Variants in FBP1 observed in about 807,000 individuals in gnomAD.
FBP1 encodes the protein fructose-1,6-bisphosphatase 1.
FBP1 carries 22 observed loss-of-function variants against 29.9 expected under a neutral mutation model. That is an observed-to-expected ratio of 0.74 (90% CI 0.53 to 1.05). The LOEUF (loss-of-function observed/expected upper bound fraction) is 1.05, where lower values mean the gene tolerates loss of function less well. Ranked by LOEUF, FBP1 falls within the 50% of genes least tolerant of loss-of-function variation. The pLI is 0.00. For missense variants in FBP1, 345 were observed against 448.2 expected (o/e 0.77, Z 2.08); for synonymous variants, 175 against 178.6 (o/e 0.98, Z 0.16).
chr9:94,608,016 A>T (rs891788124), intron 4 of FBP1, among the ~76,000 whole-genome samples: 2 of 152,236 alleles, frequency 1.3e-5, no homozygotes, highest in Non-Finnish European at 2.9e-5. Context: ...AAAAATAAAT[A>T]AATAAATGTC....
intron 1 of FBP1, among the ~76,000 whole-genome samples, chr9:94,630,132 G>A (rs1468749015): frequency 6.6e-6 from 1 of 152,178 alleles, no homozygotes; most frequent in Non-Finnish European, 1.5e-5. Flanking sequence ...CTTGATCCTG[G>A]AAAAAAGAAT....
intron 1 of FBP1, among the ~76,000 whole-genome samples, chr9:94,634,705 G>A (rs1563989581): frequency 6.6e-6 from 1 of 152,190 alleles, no homozygotes; most frequent in Non-Finnish European, 1.5e-5. Flanking sequence ...GTCTCCCAGG[G>A]CACATTTGCC....
At chr9:94,615,705 C>T (rs552265425) in intron 3 of FBP1, among the ~76,000 whole-genome samples, 53 of 152,222 alleles carry the variant, frequency 3.5e-4, no homozygotes, top group African/African-American at 1.2e-3. Context: ...AAGCAAAATA[C>T]GTTCCAATGA....
intron 1 of FBP1, among the ~76,000 whole-genome samples, chr9:94,626,654 T>G (rs1828030233): frequency 6.6e-6 from 1 of 152,196 alleles, no homozygotes; most frequent in South Asian, 2.1e-4. Flanking sequence ...GCTTCCGTGA[T>G]TCTGAGAGAG....
At position 94,629,070 on chromosome 9, in the gene FBP1, C is replaced by A. The variant is rs377423303; in HGVS notation, c.171-8579G>T. On this transcript the variant is annotated intron_variant, in intron 1 of 6. Coordinates refer to ENST00000375326, the MANE Select transcript of FBP1 (RefSeq NM_000507.4). ...GATCTTGGCTTACTGCAACCTCCCCCTCCCGGGTTCAAGCGATTCTCCTGT... is the reference window on the plus strand; with the variant it reads ...GATCTTGGCTTACTGCAACCTCCCCATCCCGGGTTCAAGCGATTCTCCTGT... Among the ~76,000 whole-genome samples the A allele has an allele frequency of 2.6e-4, 39 of 152,326 alleles. No individual in the cohort carries two copies. The East Asian group carries it at 3.3e-3, about 13-fold the overall frequency.
intron 3 of FBP1, among the ~76,000 whole-genome samples, chr9:94,616,634 G>C (rs1827867353): frequency 6.6e-6 from 1 of 151,814 alleles, no homozygotes; most frequent in African/African-American, 2.4e-5. Flanking sequence ...GGGTTTCACA[G>C]TGTTAGCCAA....
intron 4 of FBP1, among the ~76,000 whole-genome samples, chr9:94,609,203 A>AG (rs1360696540): frequency 1.0e-4 from 14 of 139,038 alleles, no homozygotes; most frequent in South Asian, 2.1e-4. Flanking sequence ...AAAAAAAAAA[A>AG]AAAGAAAGAA....
chr9:94,625,323 A>G (rs1175916990), intron 1 of FBP1, among the ~76,000 whole-genome samples: 1 of 152,068 alleles, frequency 6.6e-6, no homozygotes, highest in Non-Finnish European at 1.5e-5. Context: ...GGGGTGGTAC[A>G]CCGTTCACGA....
chr9:94,610,679 A>C (rs28369727), intron 3 of FBP1, among the ~76,000 whole-genome samples: 2,288 of 152,220 alleles, frequency 0.015, 60 homozygotes, highest in African/African-American at 0.053. Context: ...CAGTGCCCCC[A>C]CACACACACC....
intron 1 of FBP1, among the ~76,000 whole-genome samples, chr9:94,626,511 A>G (rs12000176): frequency 0.043 from 6,491 of 152,254 alleles, 489 homozygotes; most frequent in African/African-American, 0.15. Flanking sequence ...CTGCACAGCC[A>G]TGATGAGCAG....
intron 3 of FBP1, among the ~76,000 whole-genome samples, chr9:94,616,854 T>C (rs1057459250): frequency 6.6e-6 from 1 of 152,168 alleles, no homozygotes; most frequent in African/African-American, 2.4e-5. Flanking sequence ...CTTATTCGTA[T>C]AATTGAGCAC....
At chr9:94,606,788 C>T (rs1375410765) in intron 5 of FBP1, 27 bp downstream of exon 5, 5 of 1,608,882 alleles carry the variant, frequency 3.1e-6, no homozygotes, top group Non-Finnish European at 3.4e-6. Flanking sequence ...CCAGAACCTG[C>T]ACCACCCTCC....
Position 94,626,943 on chromosome 9 carries a change from C to G in FBP1, c.171-6452G>C, listed in dbSNP as rs148051785. Among the ~76,000 whole-genome samples, 1,199 of 152,180 alleles carry G rather than the reference C, an allele frequency of 7.9e-3. 15 individuals are homozygous for G. Among genetic ancestry groups the G allele is most frequent in the African/African-American group, 0.028 (1,153 of 41,528 alleles). ...GTGGCTCACACCTGTAATCCCAACA[C>G]TTTGGGAGGCTGAGGCAGGTGGATC... On this transcript the variant is annotated intron_variant, in intron 1 of 6. Transcript: ENST00000375326.
chr9:94,631,353 G>A (rs1032380074), intron 1 of FBP1, among the ~76,000 whole-genome samples: 1 of 152,182 alleles, frequency 6.6e-6, no homozygotes, highest in Non-Finnish European at 1.5e-5. Flanking sequence ...TCATATGATG[G>A]AGAACACCTT....
chr9:94,607,042 TG>T, intron 4 of FBP1, 90 bp from the exon 5 acceptor site: 5 of 1,571,350 alleles, frequency 3.2e-6, no homozygotes, highest in Non-Finnish European at 3.5e-6. Context: ...TGGGCTACGC[TG>T]GGCTGGGGTC....
chr9:94,616,823 G>A (rs1260024479), intron 3 of FBP1, among the ~76,000 whole-genome samples: 2 of 152,124 alleles, frequency 1.3e-5, no homozygotes, highest in African/African-American at 2.4e-5. Flanking sequence ...ATGGGTGGAT[G>A]GGTTTTCATT....
chr9:94,608,258 T>G (rs1236196596), intron 4 of FBP1, among the ~76,000 whole-genome samples: 2 of 152,176 alleles, frequency 1.3e-5, no homozygotes, highest in African/African-American at 4.8e-5. Context: ...GAGGAAGCAC[T>G]TAGCACCTCC....
chr9:94,638,670 G>C (rs1413805438), intron 1 of FBP1, among the ~76,000 whole-genome samples: 1 of 152,116 alleles, frequency 6.6e-6, no homozygotes, highest in African/African-American at 2.4e-5. Flanking sequence ...TCTTGTTTCA[G>C]GTCAGAGATA....
intron 1 of FBP1, among the ~76,000 whole-genome samples, chr9:94,628,315 G>A (rs879695528): frequency 3.3e-5 from 5 of 149,826 alleles, no homozygotes; most frequent in Non-Finnish European, 5.9e-5. Flanking sequence ...GAACCCAGGA[G>A]GCAAAGGTTG....
Sources: allele counts gnomAD v4.1 joint callset (sites outside exome capture counted in the v4.1 genomes callset), GRCh38; gene constraint gnomAD v4.1.1; transcripts MANE v1.5; gene names NCBI Gene and HGNC (gene_info 2026-07-23, HGNC 2026-07-21).